KIF15: variants seen among roughly 807,000 people sequenced by gnomAD.
KIF15 encodes the protein kinesin family member 15, also known as kinesin-like protein KIF15.
KIF15 carries 140 observed loss-of-function variants against 190.6 expected under a neutral mutation model. The observed-to-expected ratio is 0.73, with a 90% confidence interval of 0.64 to 0.84. KIF15 has a LOEUF of 0.84. KIF15 is among the 40% of genes least tolerant of loss of function. The probability of loss-of-function intolerance (pLI) is 0.00; values close to 1 mark genes in which losing one functional copy is unlikely to be tolerated. For missense variants in KIF15, 1,372 were observed against 1,584.4 expected, an observed-to-expected ratio of 0.87 and a Z score of 2.28; for synonymous variants, 528 against 551.3, an observed-to-expected ratio of 0.96 and a Z score of 0.59.
intron 20 of KIF15, among the ~76,000 whole-genome samples, chr3:44,820,178 A>G (rs1436050349): frequency 2.0e-5 from 3 of 152,114 alleles, no homozygotes; most frequent in Non-Finnish European, 4.4e-5. Context: ...CAGCACACCA[A>G]TGGGTCTTGA....
At chr3:44,777,957 G>GTTGAATTACATCTTAGA (rs1705974767) in intron 3 of KIF15, among the ~76,000 whole-genome samples, 158 bp from the exon 4 acceptor site, 1 of 152,202 alleles carries the variant, frequency 6.6e-6, no homozygotes, top group Non-Finnish European at 1.5e-5. Context: ...ATGTAATTAT[G>GTTGAATTACATCTTAGA]TGTAAAGTTG....
chr3:44,838,448 G>A (rs745559566), intron 27 of KIF15, 27 bp downstream of exon 27: 4 of 1,601,596 alleles, frequency 2.5e-6, no homozygotes, highest in Non-Finnish European at 3.4e-6. Flanking sequence ...TGTCACTCAA[G>A]ATGGGAGACA....
intron 17 of KIF15, 79 bp downstream of exon 17, chr3:44,811,122 A>G: frequency 1.8e-6 from 2 of 1,108,730 alleles, no homozygotes; most frequent in Non-Finnish European, 2.6e-6. Context: ...ATTCCCTATA[A>G]GTTACAGTGT....
intron 10 of KIF15, 69 bp from the exon 11 acceptor site, chr3:44,800,245 A>C (rs1707202116): frequency 6.9e-7 from 1 of 1,452,568 alleles, no homozygotes; most frequent in African/African-American, 1.4e-5. Context: ...CATACCAAAC[A>C]AATGTAAACA....
At chr3:44,804,309 T>C (rs1438408091) in intron 14 of KIF15, among the ~76,000 whole-genome samples, 2 of 152,212 alleles carry the variant, frequency 1.3e-5, no homozygotes, top group Non-Finnish European at 1.5e-5. Context: ...AAACAACTTT[T>C]ACATGATCTT....
rs1301803598 is a variant in KIF15 at position 44,852,255 on chromosome 3, T to G, written c.4020T>G (p.Asn1340Lys). 12 of 1,613,254 alleles carry G rather than the reference T, an allele frequency of 7.4e-6. No homozygotes were observed. The Middle Eastern group carries it at 1.3e-3, about 177-fold the overall frequency. ...RKQVECLAEE[N>K]GKLVGHQNLH... ...AGGTGGAGTGTCTTGCTGAGGAAAA[T>G]GGAAAGTTGGTAGGTCACCAAAATT... Residue 1340 changes from asparagine (N) to lysine (K), a missense_variant, in exon 34 of 35, where the codon AAT becomes AAG. Asn to Lys is a moderately conservative substitution (Grantham distance 94). Transcript: ENST00000326047.
intron 6 of KIF15, among the ~76,000 whole-genome samples, chr3:44,861,511 G>A (rs1699244373): frequency 6.6e-6 from 1 of 152,212 alleles, no homozygotes; most frequent in Non-Finnish European, 1.5e-5. Context: ...TCCTCAGGCT[G>A]GAGGGTGGAG....
At chr3:44,850,661 G>A (rs1215787640) in intron 32 of KIF15, among the ~76,000 whole-genome samples, 1 of 152,140 alleles carries the variant, frequency 6.6e-6, no homozygotes, top group African/African-American at 2.4e-5. Flanking sequence ...AAGTAATGGG[G>A]AACCAATACA....
At chr3:44,773,147 A>C (rs73829683) in intron 1 of KIF15, among the ~76,000 whole-genome samples, 358 of 152,038 alleles carry the variant, frequency 2.4e-3, no homozygotes, top group African/African-American at 4.6e-3. Flanking sequence ...AAAAAAAAAA[A>C]AACAACAACA....
intron 3 of KIF15, among the ~76,000 whole-genome samples, chr3:44,776,475 A>G (rs2125905091): frequency 6.6e-6 from 1 of 152,260 alleles, no homozygotes; most frequent in East Asian, 1.9e-4. Flanking sequence ...CATTAGTTAT[A>G]TGTGGCTATT....
At chr3:44,865,435 G>A (rs1252969301) in intron 6 of KIF15, 9 of 473,900 alleles carry the variant, frequency 1.9e-5, no homozygotes, top group South Asian at 3.7e-5. Flanking sequence ...GTGAGCCTTC[G>A]CAGATGCTGG....
intron 7 of KIF15, among the ~76,000 whole-genome samples, chr3:44,792,762 G>A (rs1161551047): frequency 6.6e-6 from 1 of 151,986 alleles, no homozygotes. Flanking sequence ...TAGCCAGACT[G>A]GTCTCGGTCT....
intron 14 of KIF15, among the ~76,000 whole-genome samples, chr3:44,803,354 T>C: frequency 6.6e-6 from 1 of 152,238 alleles, no homozygotes; most frequent in East Asian, 1.9e-4. Context: ...TTGAAATGTT[T>C]ATCAATCTAA....
intron 17 of KIF15, 74 bp downstream of exon 17, chr3:44,811,117 C>CTAT: frequency 8.6e-7 from 1 of 1,162,674 alleles, no homozygotes; most frequent in East Asian, 2.4e-5. Flanking sequence ...TTTTAATTCC[C>CTAT]TATAAGTTAC....
chr3:44,860,008 G>A (rs1003701364), intron 6 of KIF15, among the ~76,000 whole-genome samples: 2 of 152,102 alleles, frequency 1.3e-5, no homozygotes, highest in East Asian at 1.9e-4. Flanking sequence ...GATTAACAAC[G>A]ATGTAGTCCC....
At chr3:44,836,727 G>A (rs995095886) in intron 26 of KIF15, among the ~76,000 whole-genome samples, 3 of 152,226 alleles carry the variant, frequency 2.0e-5, no homozygotes, top group African/African-American at 7.2e-5. Flanking sequence ...CACACAGAAA[G>A]CCAATCACTG....
rs931914732 is a variant in KIF15, at chr3:44,851,708, A to G, written c.3807-79A>G. 5.9e-6 allele frequency: 7 copies of G among 1,179,892 alleles called. No homozygotes were observed. The African/African-American group carries it at 1.1e-4, about 18-fold the overall frequency. 73.1% of individuals were successfully genotyped at this position (1,179,892 alleles called of 1,614,324 possible). ...TTTCAAATCAAAATTCTGGCCTTGC[A>G]GTACACATGTCTAACTTGAGCACTG... On this transcript the variant is annotated intron_variant, in intron 32 of 34. Coordinates refer to ENST00000326047, the MANE Select transcript of KIF15 (RefSeq NM_020242.3).
chr3:44,795,790 G>T (rs966608356), intron 8 of KIF15, among the ~76,000 whole-genome samples: 3 of 152,058 alleles, frequency 2.0e-5, no homozygotes, highest in Non-Finnish European at 2.9e-5. Context: ...TGAGGGAAGA[G>T]ATCTACTTTT....
Position 44,848,516 on chromosome 3 carries a change from T to G in KIF15, c.3769-5T>G. 1.8e-6 allele frequency: 2 copies of G among 1,114,154 alleles called. No individual in the cohort carries two copies. The highest frequency in any genetic ancestry group is 2.6e-6 in the Non-Finnish European group (2 of 758,332). 69.0% of individuals were successfully genotyped at this position (1,114,154 alleles called of 1,614,324 possible). ...TTTTATTTTCTTTTTTTAATCTTCT[T>G]ATAGAGTAAAATAGTTGAAGAAATG... On this transcript the variant is annotated splice_region_variant and splice_polypyrimidine_tract_variant and intron_variant, in intron 31 of 34. Coordinates refer to ENST00000326047, the MANE Select transcript of KIF15 (RefSeq NM_020242.3).
Sources: gnomAD v4.1 joint callset for allele counts (sites outside exome capture counted in the v4.1 genomes callset) on GRCh38, gnomAD v4.1.1 for gene constraint, MANE v1.5 for transcripts, NCBI Gene and HGNC (gene_info 2026-07-23, HGNC 2026-07-21) for gene names.